PRKCA: variants seen among roughly 807,000 people sequenced by gnomAD.
PRKCA encodes protein kinase C alpha type.
A neutral mutation model predicts 87.0 loss-of-function variants in PRKCA; 27 were observed. The observed-to-expected ratio is 0.31, with a 90% CI of 0.23 to 0.43. The LOEUF is 0.43. PRKCA is among the 20% of genes least tolerant of loss of function. The pLI, the probability that PRKCA is intolerant of heterozygous loss-of-function variation, is 1.00. For synonymous variants in PRKCA, 329 were observed against 311.1 expected (o/e 1.06, Z -0.61); for missense variants, 518 against 852.3 (o/e 0.61, Z 4.88).
chr17:66,366,331 T>C (rs1908722604), intron 2 of PRKCA, among the ~76,000 whole-genome samples: 1 of 152,188 alleles, frequency 6.6e-6, no homozygotes, highest in Admixed American at 6.5e-5. Context: ...AAGCAAACTT[T>C]TTTACACCAT....
rs940427402 is a variant in PRKCA at position 66,809,718 on chromosome 17, A to G, written c.*5681A>G. ...GATGCTCTGCGAGTTTTTAATAGAC[A>G]CTGGGGACAACTGCTTAAGGTTTAG... is the stretch of plus-strand genomic sequence containing the variant. On this transcript the variant is annotated 3_prime_UTR_variant, in exon 17 of 17. Coordinates refer to ENST00000413366, the MANE Select transcript of PRKCA (RefSeq NM_002737.3). 9 of 152,164 alleles carry G rather than the reference A, an allele frequency of 5.9e-5. No homozygotes were observed. The highest frequency in any genetic ancestry group is 1.7e-4 in the African/African-American group (7 of 41,418). 9.4% of individuals were successfully genotyped at this position (152,164 alleles called of 1,614,324 possible).
chr17:66,481,238 A>T (rs562015010), intron 2 of PRKCA, among the ~76,000 whole-genome samples: 1 of 152,054 alleles, frequency 6.6e-6, no homozygotes, highest in Non-Finnish European at 1.5e-5. Flanking sequence ...TAAAAGCTCC[A>T]GGGGGGCCCC....
chr17:66,327,997 C>T (rs1043769019), intron 2 of PRKCA, among the ~76,000 whole-genome samples: 7 of 152,104 alleles, frequency 4.6e-5, no homozygotes, highest in East Asian at 1.9e-4. Context: ...GAAAGCACTA[C>T]GGGATTTTGG....
intron 2 of PRKCA, among the ~76,000 whole-genome samples, chr17:66,458,853 G>A (rs1015912786): frequency 2.0e-5 from 3 of 152,106 alleles, no homozygotes; most frequent in South Asian, 2.1e-4. Flanking sequence ...TTCCCAGTAC[G>A]TCATTGGAGA....
At chr17:66,560,654 C>T (rs1968649999) in intron 3 of PRKCA, among the ~76,000 whole-genome samples, 1 of 152,176 alleles carries the variant, frequency 6.6e-6, no homozygotes, top group African/African-American at 2.4e-5. Context: ...ATGTACCAAA[C>T]ACTTTGTAAG....
chr17:66,455,506 A>G (rs1308378848), intron 2 of PRKCA, among the ~76,000 whole-genome samples: 1 of 152,244 alleles, frequency 6.6e-6, no homozygotes, highest in Non-Finnish European at 1.5e-5. Context: ...ATGATCATTT[A>G]TCATTCCAAA....
At chr17:66,742,825 G>T in intron 13 of PRKCA, 65 bp downstream of exon 13, 2 of 1,554,234 alleles carry the variant, frequency 1.3e-6, no homozygotes, top group Non-Finnish European at 1.7e-6. Context: ...CCCTCTCATG[G>T]GTTATAGGGT....
chr17:66,602,268 G>T (rs1278226679), intron 3 of PRKCA, among the ~76,000 whole-genome samples: 1 of 101,744 alleles, frequency 9.8e-6, no homozygotes, highest in East Asian at 2.6e-4. Context: ...ATATAGTCTC[G>T]TGGTGCGCCG....
At chr17:66,704,161 A>G (rs1225621168) in intron 8 of PRKCA, among the ~76,000 whole-genome samples, 1 of 67,704 alleles carries the variant, frequency 1.5e-5, no homozygotes, top group Non-Finnish European at 3.0e-5. Context: ...AGCAAAGTTA[A>G]AAAAAAAAAA....
chr17:66,631,748 T>C (rs542953226), intron 3 of PRKCA, among the ~76,000 whole-genome samples: 23 of 152,322 alleles, frequency 1.5e-4, no homozygotes, highest in African/African-American at 5.5e-4. Flanking sequence ...GGATGGATAC[T>C]CCATTCTCCA....
chr17:66,486,504 G>A (rs1032125809), intron 2 of PRKCA, among the ~76,000 whole-genome samples: 2 of 152,008 alleles, frequency 1.3e-5, no homozygotes, highest in Non-Finnish European at 2.9e-5. Context: ...GGTGATTGCC[G>A]GACTGTTCTT....
intron 3 of PRKCA, among the ~76,000 whole-genome samples, chr17:66,540,392 G>A (rs1397849637): frequency 1.3e-5 from 2 of 152,168 alleles, no homozygotes; most frequent in Non-Finnish European, 2.9e-5. Context: ...GGGGCTTGAC[G>A]CTGGGGGGAC....
At chr17:66,375,364 G>A (rs1024942317) in intron 2 of PRKCA, among the ~76,000 whole-genome samples, 13 of 152,152 alleles carry the variant, frequency 8.5e-5, no homozygotes, top group African/African-American at 2.9e-4. Context: ...GGCAGCTTTT[G>A]CATTGGACTT....
chr17:66,641,195 A>T (rs1328922484), intron 3 of PRKCA, among the ~76,000 whole-genome samples, 160 bp from the exon 4 acceptor site: 2 of 116,876 alleles, frequency 1.7e-5, no homozygotes, highest in Non-Finnish European at 4.3e-5. Flanking sequence ...TTAGTGGCGA[A>T]GTCACCACCA....
chr17:66,513,098 G>A (rs967890136), intron 3 of PRKCA, among the ~76,000 whole-genome samples: 2 of 152,192 alleles, frequency 1.3e-5, no homozygotes, highest in Non-Finnish European at 2.9e-5. Context: ...CCACCAACTT[G>A]AAAGCACCGT....
intron 2 of PRKCA, among the ~76,000 whole-genome samples, chr17:66,392,271 G>A (rs1439782170): frequency 2.6e-5 from 4 of 151,976 alleles, no homozygotes; most frequent in African/African-American, 9.7e-5. Flanking sequence ...AGGACTACGT[G>A]CTTTGGGAGT....
intron 5 of PRKCA, among the ~76,000 whole-genome samples, chr17:66,664,918 G>A (rs577503750): frequency 6.6e-6 from 1 of 152,032 alleles, no homozygotes. Flanking sequence ...GGGATTACAG[G>A]TGTGAGCCAC....
chr17:66,330,548 A>G (rs986253497), intron 2 of PRKCA, among the ~76,000 whole-genome samples: 3 of 152,186 alleles, frequency 2.0e-5, no homozygotes, highest in African/African-American at 2.4e-5. Flanking sequence ...TGTAATGTCT[A>G]TTCATCCTGT....
intron 2 of PRKCA, chr17:66,403,995 T>C (rs1330061741): frequency 6.6e-6 from 1 of 152,224 alleles, no homozygotes; most frequent in Non-Finnish European, 1.5e-5. Flanking sequence ...TTATGCTATA[T>C]GATTTAAGGC....
Sources: gnomAD v4.1 joint callset for allele counts (sites outside exome capture counted in the v4.1 genomes callset) on GRCh38, gnomAD v4.1.1 for gene constraint, MANE v1.5 for transcripts, NCBI Gene and HGNC (gene_info 2026-07-23, HGNC 2026-07-21) for gene names.